The following OSBPL10 variants were observed in gnomAD, a reference collection of about 807,000 sequenced individuals.
The protein encoded by OSBPL10 is oxysterol-binding protein-related protein 10.
A neutral mutation model predicts 81.7 loss-of-function variants in OSBPL10; 49 were observed. That is an observed-to-expected ratio of 0.60 (90% CI 0.48 to 0.76). OSBPL10 has a LOEUF of 0.76. Ranked by LOEUF, OSBPL10 falls within the 30% of genes least tolerant of loss-of-function variation. OSBPL10 has a pLI of 0.00. For missense variants in OSBPL10, 923 were observed against 987.8 expected (o/e 0.93, Z 0.88); for synonymous variants, 419 against 383.6 (o/e 1.09, Z -1.08).
intron 4 of OSBPL10, among the ~76,000 whole-genome samples, chr3:31,824,749 G>A (rs754523422): frequency 1.3e-5 from 2 of 152,014 alleles, no homozygotes; most frequent in Admixed American, 1.3e-4. Flanking sequence ...ATCTGTCTGC[G>A]CTTCTCCTCC....
chr3:31,669,107 T>C (rs1391571629), intron 9 of OSBPL10, among the ~76,000 whole-genome samples: 1 of 152,084 alleles, frequency 6.6e-6, no homozygotes, highest in Non-Finnish European at 1.5e-5. Flanking sequence ...CAGATATCAC[T>C]GGGATGAAAA....
At chr3:31,729,482 C>G (rs1429392577) in intron 6 of OSBPL10, among the ~76,000 whole-genome samples, 1 of 152,116 alleles carries the variant, frequency 6.6e-6, no homozygotes, top group African/African-American at 2.4e-5. Context: ...AGTGGAGTGG[C>G]ACAATCTCGG....
intron 2 of OSBPL10, among the ~76,000 whole-genome samples, chr3:32,040,002 C>T (rs1253178580): frequency 6.6e-6 from 1 of 152,186 alleles, no homozygotes; most frequent in Non-Finnish European, 1.5e-5. Flanking sequence ...CATGGGCCAG[C>T]TTTGTGTTTT....
intron 1 of OSBPL10, among the ~76,000 whole-genome samples, chr3:31,900,206 T>C (rs964268868): frequency 3.1e-5 from 3 of 98,232 alleles, no homozygotes; most frequent in Non-Finnish European, 7.7e-5. Context: ...GTGGGTTTTG[T>C]TTTTTTGTTT....
At chr3:31,820,612 T>A (rs934302828) in intron 4 of OSBPL10, among the ~76,000 whole-genome samples, 2 of 151,256 alleles carry the variant, frequency 1.3e-5, no homozygotes, top group African/African-American at 2.4e-5. Context: ...AAAAAAAAAA[T>A]TTCAACATAA....
intron 1 of OSBPL10, among the ~76,000 whole-genome samples, chr3:31,892,499 C>A (rs1022499820): frequency 6.6e-6 from 1 of 152,120 alleles, no homozygotes; most frequent in Non-Finnish European, 1.5e-5. Context: ...CTCAACGTGA[C>A]GACTGGGGAG....
chr3:31,696,796 T>C (rs1695735034), intron 7 of OSBPL10, among the ~76,000 whole-genome samples: 1 of 152,212 alleles, frequency 6.6e-6, no homozygotes, highest in African/African-American at 2.4e-5. Flanking sequence ...CATCTATACA[T>C]TGTTTCCTCT....
chr3:31,873,004 G>A (rs1003746111), intron 3 of OSBPL10, among the ~76,000 whole-genome samples: 2 of 152,100 alleles, frequency 1.3e-5, no homozygotes, highest in Non-Finnish European at 2.9e-5. Context: ...AGAAAAAGCA[G>A]AACTATAAAT....
At chr3:32,030,085 AG>A (rs1378293092) in intron 2 of OSBPL10, 1 of 192,588 alleles carries the variant, frequency 5.2e-6, no homozygotes, top group East Asian at 1.4e-4. Context: ...AATATGTCAA[AG>A]AAGGTTAGAG....
At position 32,050,283 on chromosome 3, in the gene OSBPL10, G is replaced by A. The variant is rs991502612; in HGVS notation, n.186-3680C>T. Among the ~76,000 whole-genome samples, 3 of 152,240 alleles carry A rather than the reference G, an allele frequency of 2.0e-5. No homozygotes were observed. The East Asian group carries it at 5.8e-4, about 29-fold the overall frequency. On this transcript the variant is annotated intron_variant and non_coding_transcript_variant, in intron 1 of 3. Coordinates refer to the OSBPL10 transcript ENST00000479173. ...TGAGAAGAGCAATAGAGACTGCCCA[G>A]TGCTGTAGCTTAGTAGCTAAGGCTT...
chr3:31,817,504 G>A (rs4470561), intron 4 of OSBPL10, among the ~76,000 whole-genome samples: 110,912 of 151,796 alleles, frequency 0.73, 40,794 homozygotes, highest in East Asian at 0.95. Flanking sequence ...TGCCTGCTCC[G>A]TGGAGCAGGA....
intron 3 of OSBPL10, 55 bp downstream of exon 3, chr3:31,876,378 G>C: frequency 6.9e-7 from 1 of 1,447,184 alleles, no homozygotes; most frequent in Non-Finnish European, 9.7e-7. Context: ...AAATAATGGG[G>C]CTGAAAGCCA....
intron 7 of OSBPL10, among the ~76,000 whole-genome samples, chr3:31,695,292 C>G (rs1219882634): frequency 6.6e-6 from 1 of 152,210 alleles, no homozygotes; most frequent in Admixed American, 6.5e-5. Flanking sequence ...GAGAAATCCA[C>G]ATAGGGTTAC....
intron 4 of OSBPL10, among the ~76,000 whole-genome samples, chr3:31,823,103 A>G (rs1326296709): frequency 6.6e-6 from 1 of 151,912 alleles, no homozygotes; most frequent in African/African-American, 2.4e-5. Context: ...CCATGGTCAC[A>G]TAGTCATCTA....
At chr3:31,904,908 G>A (rs544119133) in intron 1 of OSBPL10, among the ~76,000 whole-genome samples, 2 of 152,228 alleles carry the variant, frequency 1.3e-5, no homozygotes, top group African/African-American at 4.8e-5. Context: ...CAGAGCTGAG[G>A]TTTTCTCCAA....
chr3:31,686,972 C>T (rs1700808153), intron 7 of OSBPL10, among the ~76,000 whole-genome samples: 1 of 152,180 alleles, frequency 6.6e-6, no homozygotes, highest in African/African-American at 2.4e-5. Flanking sequence ...AAGGGCTCCC[C>T]TATGAACTCC....
chr3:31,759,840 A>T (rs995023391), intron 4 of OSBPL10, among the ~76,000 whole-genome samples: 2 of 152,008 alleles, frequency 1.3e-5, no homozygotes, highest in African/African-American at 2.4e-5. Context: ...GCTTACTGCA[A>T]CCTCTGCCTC....
intron 4 of OSBPL10, among the ~76,000 whole-genome samples, chr3:31,803,547 C>A (rs1183358944): frequency 6.6e-6 from 1 of 152,148 alleles, no homozygotes; most frequent in African/African-American, 2.4e-5. Flanking sequence ...TTTTTGTATA[C>A]CCTTTGCGCA....
rs901806925 is a variant in OSBPL10, at chr3:31,852,571, C to CTTTT, written c.538-22344_538-22341dup. On this transcript the variant is annotated intron_variant, in intron 3 of 11. Coordinates refer to ENST00000396556, the MANE Select transcript of OSBPL10 (RefSeq NM_017784.5). The stretch of plus-strand genomic sequence containing the variant: ...ACTCCTGTGGCACGGAAGTTTTTTC[C>CTTTT]TTTTTTTGTTTGTTTGTTTGTTTTG... 6.5e-5 allele frequency among the ~76,000 whole-genome samples: 8 copies of CTTTT among 123,952 alleles called. No individual in the cohort carries two copies. In the South Asian group the frequency reaches 1.8e-3, roughly 28 times the overall value. 81.3% of individuals were successfully genotyped at this position (123,952 alleles called of 152,430 possible).
Sources: allele counts gnomAD v4.1 joint callset (sites outside exome capture counted in the v4.1 genomes callset), GRCh38; gene constraint gnomAD v4.1.1; transcripts MANE v1.5; gene names NCBI Gene and HGNC (gene_info 2026-07-23, HGNC 2026-07-21).